Variants in VPS13D observed in about 807,000 individuals in gnomAD.
VPS13D encodes vacuolar protein sorting 13 homolog D, also known as intermembrane lipid transfer protein VPS13D.
VPS13D carries 187 observed loss-of-function variants against 461.9 expected under a neutral mutation model. That is an observed-to-expected ratio of 0.40 (90% confidence interval 0.36 to 0.46). VPS13D has a LOEUF of 0.46. Among genes scored for constraint, VPS13D ranks in the 20% least tolerant of loss-of-function variants. VPS13D has a pLI of 0.60. For missense variants in VPS13D, 4,711 were observed against 5,364.9 expected (o/e 0.88, Z 3.81); for synonymous variants, 1,951 against 1,986.3 (o/e 0.98, Z 0.47).
Position 12,308,398 on chromosome 1 carries a change from C to T in VPS13D, c.6440-33C>T, listed in dbSNP as rs779602143. On this transcript the variant is annotated intron_variant, in intron 26 of 69. Coordinates refer to ENST00000620676, the MANE Select transcript of VPS13D (RefSeq NM_015378.4). ...GCAACCCCTTTTTGGGTCCCCTTTT[C>T]TTCATTACCTCTCTTTCCTTGGGTC... 4.3e-6 allele frequency: 7 copies of T among 1,611,658 alleles called. No homozygotes were observed. In the East Asian group the frequency reaches 1.1e-4, roughly 26 times the overall value.
At chr1:12,260,927 G>A (rs985951184) in intron 11 of VPS13D, 21 bp from the exon 12 acceptor site, 2 of 1,614,088 alleles carry the variant, frequency 1.2e-6, no homozygotes, top group Non-Finnish European at 1.7e-6. Flanking sequence ...ACTCATCTCT[G>A]CTCCTTTGTG....
At position 12,375,773 on chromosome 1, in the gene VPS13D, T is replaced by TGGGCTGCCCC; in HGVS notation, c.10917+1916_10917+1925dup. Among the ~76,000 whole-genome samples the TGGGCTGCCCC allele has an allele frequency of 2.6e-5, 4 of 152,358 alleles. 1 individual carries two copies. The South Asian group carries it at 8.3e-4, about 32-fold the overall frequency. ...CCCAACTTGGCTTCAGCCCCTGCTC[T>TGGGCTGCCCC]GGGCTGCCCCATCGCTTAGGTGGAT... is the stretch of plus-strand genomic sequence containing the variant. On this transcript the variant is annotated intron_variant, in intron 55 of 69. Coordinates refer to ENST00000620676, the MANE Select transcript of VPS13D (RefSeq NM_015378.4).
chr1:12,383,051 G>A lies in VPS13D; in HGVS notation c.11266G>A (p.Gly3756Arg). 1.9e-6 allele frequency: 3 copies of A among 1,614,058 alleles called. No homozygotes were observed. Among genetic ancestry groups the A allele is most frequent in the Non-Finnish European group, 2.5e-6 (3 of 1,180,006 alleles). Residue 3756 changes from glycine (G) to arginine (R), a missense_variant, in exon 58 of 70, where the codon GGG becomes AGG. This residue lies in a region of VPS13D where 4,411 missense variants were observed against 4,937.8 expected (regional missense o/e 0.89). Transcript: ENST00000620676. ...TCCTGACACTTCCATGGAGCTTTTGGGGCCAGTTCCACCTGAACAACAATT... is the reference window on the plus strand; with the variant it reads ...TCCTGACACTTCCATGGAGCTTTTGAGGCCAGTTCCACCTGAACAACAATT... Reference protein sequence around the residue: ...LGPDTSMELLGPVPPEQQFIN... With the variant: ...LGPDTSMELLRPVPPEQQFIN...
intron 36 of VPS13D, among the ~76,000 whole-genome samples, chr1:12,329,367 C>A (rs1011104819): frequency 6.6e-6 from 1 of 152,134 alleles, no homozygotes; most frequent in Admixed American, 6.5e-5. Flanking sequence ...GCGCCCGCTA[C>A]CACGCCCAGC....
At chr1:12,425,542 G>A (rs1196720591) in intron 65 of VPS13D, among the ~76,000 whole-genome samples, 2 of 150,826 alleles carry the variant, frequency 1.3e-5, no homozygotes, top group East Asian at 3.9e-4. Flanking sequence ...CTGGGTGACA[G>A]AACAATGTTG....
intron 55 of VPS13D, among the ~76,000 whole-genome samples, chr1:12,375,173 A>G (rs1644181433): frequency 6.6e-6 from 1 of 151,608 alleles, no homozygotes; most frequent in Non-Finnish European, 1.5e-5. Context: ...TCAATCTTAT[A>G]TTTTTCCCTG....
intron 1 of VPS13D, among the ~76,000 whole-genome samples, chr1:12,232,603 C>T (rs922822828): frequency 6.6e-6 from 1 of 150,878 alleles, no homozygotes; most frequent in African/African-American, 2.4e-5. Context: ...TCTCAGTTTC[C>T]CTCATGTTGA....
intron 30 of VPS13D, 98 bp from the exon 31 acceptor site, chr1:12,317,974 G>A (rs1041983376): frequency 1.7e-5 from 22 of 1,296,598 alleles, no homozygotes; most frequent in African/African-American, 5.9e-5. Context: ...GGAAAATACC[G>A]GAATACCACC....
At chr1:12,367,587 T>TTTAC (rs1218918761) in intron 52 of VPS13D, 1 of 151,812 alleles carries the variant, frequency 6.6e-6, no homozygotes, top group African/African-American at 2.4e-5. Flanking sequence ...TATTTATTTA[T>TTTAC]TTTTGGAAAC....
At chr1:12,230,889 C>G (rs533402611) in intron 1 of VPS13D, among the ~76,000 whole-genome samples, 1 of 152,218 alleles carries the variant, frequency 6.6e-6, no homozygotes, top group East Asian at 1.9e-4. Flanking sequence ...CTGGAGGGGG[C>G]TGAGGGTTCC....
intron 50 of VPS13D, among the ~76,000 whole-genome samples, chr1:12,361,240 A>T (rs1643942139): frequency 1.3e-5 from 2 of 151,994 alleles, no homozygotes; most frequent in African/African-American, 4.8e-5. Context: ...TGTTATTTTT[A>T]TTATTTCTAT....
intron 33 of VPS13D, 53 bp from the exon 34 acceptor site, chr1:12,322,483 A>C: frequency 6.4e-7 from 1 of 1,555,318 alleles, no homozygotes; most frequent in South Asian, 1.1e-5. Flanking sequence ...AGAGATATGG[A>C]TGTAAAACCA....
intron 7 of VPS13D, 109 bp from the exon 8 acceptor site, chr1:12,256,224 C>T (rs886439422): frequency 2.5e-5 from 32 of 1,266,228 alleles, no homozygotes; most frequent in Non-Finnish European, 3.3e-5. Flanking sequence ...CGCTGTGACA[C>T]AGCCTATGGC....
chr1:12,474,607 G>A (rs563040638), intron 67 of VPS13D, among the ~76,000 whole-genome samples: 30 of 152,220 alleles, frequency 2.0e-4, no homozygotes, highest in African/African-American at 6.7e-4. Flanking sequence ...TTTATTTCAC[G>A]ATTTCTGCAT....
chr1:12,465,190 A>G (rs1416753392), intron 67 of VPS13D: 1 of 152,200 alleles, frequency 6.6e-6, no homozygotes, highest in African/African-American at 2.4e-5. Context: ...TGCACTATGT[A>G]TTTGCTTGTT....
At chr1:12,334,460 A>G (rs1280837509) in intron 38 of VPS13D, among the ~76,000 whole-genome samples, 3 of 152,268 alleles carry the variant, frequency 2.0e-5, no homozygotes, top group Admixed American at 1.3e-4. Context: ...TGAGTACAGT[A>G]TATGTCTCTT....
At chr1:12,326,646 A>AT (rs546644698) in intron 35 of VPS13D, among the ~76,000 whole-genome samples, 3,378 of 141,698 alleles carry the variant, frequency 0.024, 58 homozygotes, top group African/African-American at 0.04. Context: ...CTGTTTGGTA[A>AT]TTTTTTTTTT....
Position 12,462,216 on chromosome 1 carries a change from G to C in VPS13D, c.12662+1820G>C, listed in dbSNP as rs1287753533. Reference sequence around the variant, plus strand: ...CAAATGACATCGAGGACACTTAGAGGGTGCCGTGAGACTATGATCAGAGAA... The same window carrying C: ...CAAATGACATCGAGGACACTTAGAGCGTGCCGTGAGACTATGATCAGAGAA... On this transcript the variant is annotated intron_variant, in intron 67 of 69. Coordinates refer to ENST00000620676, the MANE Select transcript of VPS13D (RefSeq NM_015378.4). Among the ~76,000 whole-genome samples, 5 of 152,202 alleles carry C rather than the reference G, an allele frequency of 3.3e-5. No individual in the cohort carries two copies. In the East Asian group the frequency reaches 9.6e-4, roughly 29 times the overall value.
Position 12,373,679 on chromosome 1 carries a change from A to G in VPS13D, c.10809-71A>G, listed in dbSNP as rs1017490216. Reference sequence around the variant, plus strand: ...GGCATTTGCTTATTAATACTTGAATACATGTGTGAGTATGTGTGTGTATAC... The same window carrying G: ...GGCATTTGCTTATTAATACTTGAATGCATGTGTGAGTATGTGTGTGTATAC... On this transcript the variant is annotated intron_variant, in intron 54 of 69. Coordinates refer to ENST00000620676, the MANE Select transcript of VPS13D (RefSeq NM_015378.4). 10 of 899,412 alleles carry G rather than the reference A, an allele frequency of 1.1e-5. No individual in the cohort carries two copies. In the African/African-American group the frequency reaches 1.8e-4, roughly 16 times the overall value. The allele number at this position is 899,412 out of a possible 1,614,324, so 55.7% of individuals were successfully genotyped here. A position where few individuals can be genotyped will look rare whatever the true frequency, so the allele number is the denominator to read the frequency against.
Sources: gnomAD v4.1 joint callset for allele counts (sites outside exome capture counted in the v4.1 genomes callset) on GRCh38, gnomAD v4.1.1 for gene constraint, gnomAD v4.1.1 regional missense constraint, MANE v1.5 for transcripts, NCBI Gene and HGNC (gene_info 2026-07-23, HGNC 2026-07-21) for gene names.